The following BMP2K variants were observed in gnomAD, a reference collection of about 807,000 sequenced individuals.
BMP2K encodes the protein BMP2 inducible kinase.
A neutral mutation model predicts 116.0 loss-of-function variants in BMP2K; 74 were observed. The observed-to-expected ratio is 0.64, with a 90% CI of 0.53 to 0.77. The LOEUF (loss-of-function observed/expected upper bound fraction) is 0.77. BMP2K is among the 30% of genes least tolerant of loss of function. The pLI is 0.00. For missense variants in BMP2K, 1,365 were observed against 1,403.6 expected (o/e 0.97, Z 0.44); for synonymous variants, 486 against 502.5 (o/e 0.97, Z 0.44).
chr4:78,787,870 T>C (rs1314185633), intron 1 of BMP2K, among the ~76,000 whole-genome samples: 1 of 152,216 alleles, frequency 6.6e-6, no homozygotes, highest in East Asian at 1.9e-4. Flanking sequence ...AGGGTTCCAG[T>C]ACACTATTTC....
At position 78,865,550 on chromosome 4, in the gene BMP2K, G is replaced by A. The variant is rs1732003470; in HGVS notation, c.1068-7G>A. 1.2e-6 allele frequency: 2 copies of A among 1,612,522 alleles called. No individual in the cohort carries two copies. The highest frequency in any genetic ancestry group is 1.7e-6 in the Non-Finnish European group (2 of 1,178,796). ...TATTTAGAATGAAATATATTCTTCTGTTGTAGAATAACAGATACCATTGGA... is the reference window on the plus strand; with the variant it reads ...TATTTAGAATGAAATATATTCTTCTATTGTAGAATAACAGATACCATTGGA... On this transcript the variant is annotated splice_polypyrimidine_tract_variant and splice_region_variant and intron_variant, in intron 9 of 15. Coordinates refer to ENST00000502613, the MANE Select transcript of BMP2K (RefSeq NM_198892.2).
intron 1 of BMP2K, among the ~76,000 whole-genome samples, chr4:78,806,768 T>C (rs768903786): frequency 6.6e-6 from 1 of 152,158 alleles, no homozygotes; most frequent in Non-Finnish European, 1.5e-5. Flanking sequence ...CTTTATCATA[T>C]TGAGAAGGTT....
intron 7 of BMP2K, among the ~76,000 whole-genome samples, chr4:78,857,026 C>T (rs932345321): frequency 6.6e-6 from 1 of 152,080 alleles, no homozygotes; most frequent in Admixed American, 6.6e-5. Context: ...TACACTAGCA[C>T]AGTGGCTTCA....
At chr4:78,899,511 A>C (rs1278730340) in intron 15 of BMP2K, among the ~76,000 whole-genome samples, 5 of 152,194 alleles carry the variant, frequency 3.3e-5, no homozygotes, top group Admixed American at 3.3e-4. Flanking sequence ...AGTTCATGCC[A>C]GTTAGAAGAG....
At chr4:78,822,657 A>G (rs1729678039) in intron 1 of BMP2K, among the ~76,000 whole-genome samples, 1 of 152,190 alleles carries the variant, frequency 6.6e-6, no homozygotes, top group Non-Finnish European at 1.5e-5. Context: ...AACATTTAGC[A>G]TTAATGTAAC....
rs1377964914 is a variant in BMP2K at position 78,776,711 on chromosome 4, G to C, written c.168G>C (p.Ser56=). 2.4e-6 allele frequency: 3 copies of C among 1,266,412 alleles called. No individual in the cohort carries two copies. The South Asian group carries it at 1.1e-4, about 48-fold the overall frequency. The allele number at this position is 1,266,412 out of a possible 1,614,324, so 78.4% of individuals were successfully genotyped here. Residue 56 remains serine, a synonymous_variant, in exon 1 of 16, where the codon TCG becomes TCC. Coordinates refer to ENST00000502613, the MANE Select transcript of BMP2K (RefSeq NM_198892.2). The stretch of plus-strand genomic sequence containing the variant: ...GCCACCAGGTCACCCTGGAAGAGTC[G>C]CTGGCCGAAGGTACGGGCGCCCGGG... The part of the protein sequence containing the change: ...VGRHQVTLEE[S]LAEGGFSTVF...
Position 78,911,125 on chromosome 4 carries a change from G to A in BMP2K, c.2578G>A (p.Ala860Thr), listed in dbSNP as rs143310663. ...TPKQEFDVFGAVPFFAVRAQQ... is the reference protein window; with the variant it reads ...TPKQEFDVFGTVPFFAVRAQQ... ...CAAACAGGAGTTTGATGTATTTGGCGCTGTCCCCTTCTTTGCAGTGCGTGC... is the reference window on the plus strand; with the variant it reads ...CAAACAGGAGTTTGATGTATTTGGCACTGTCCCCTTCTTTGCAGTGCGTGC... Residue 860 changes from alanine to threonine, a missense_variant, in exon 16 of 16, where the codon GCT becomes ACT. Transcript: ENST00000502613. 6.9e-3 allele frequency: 11,214 copies of A among 1,613,946 alleles called. 36 individuals carry two copies. Among genetic ancestry groups the A allele is most frequent in the Non-Finnish European group, 8.3e-3 (9,820 of 1,179,870 alleles).
At position 78,871,063 on chromosome 4, in the gene BMP2K, A is replaced by G. The variant is rs1313847957; in HGVS notation, c.1509+3A>G. 2 of 1,601,886 alleles carry G rather than the reference A, an allele frequency of 1.2e-6. No individual in the cohort carries two copies. Among genetic ancestry groups the G allele is most frequent in the Admixed American group, 3.3e-5 (2 of 59,982 alleles). ...TTCAAGATGCTTATATGCAGCAGGT[A>G]ATTTTTTTGTTTCTTTAGATATGGA... On this transcript the variant is annotated splice_donor_region_variant and intron_variant, in intron 11 of 15. Transcript: ENST00000502613.
Position 78,833,626 on chromosome 4 carries a change from T to C in BMP2K, c.342T>C (p.Cys114=). ...GHKNIVGYLD[C]AVNSISDNVW... ...AAAATATTGTGGGCTATTTGGACTG[T>C]GCTGTTAATTCAATTAGTGATAATG... The change falls in exon 3 of 16, where the codon TGT becomes TGC. Residue 114 remains cysteine (C), a synonymous_variant. Transcript: ENST00000502613. 1 of 1,606,922 alleles carries C rather than the reference T, an allele frequency of 6.2e-7. No individual in the cohort carries two copies. The highest frequency in any genetic ancestry group is 8.5e-7 in the Non-Finnish European group (1 of 1,178,158).
chr4:78,833,952 A>G (rs1315279360), intron 3 of BMP2K, among the ~76,000 whole-genome samples: 2 of 152,212 alleles, frequency 1.3e-5, no homozygotes, highest in East Asian at 1.9e-4. Flanking sequence ...ACAGAGTTAC[A>G]GTTCTTGCTC....
At chr4:78,843,884 A>G (rs1730875630) in intron 4 of BMP2K, among the ~76,000 whole-genome samples, 1 of 151,922 alleles carries the variant, frequency 6.6e-6, no homozygotes, top group Non-Finnish European at 1.5e-5. Flanking sequence ...TGTATTGTCC[A>G]TATTTTATAT....
intron 7 of BMP2K, among the ~76,000 whole-genome samples, chr4:78,855,441 G>A (rs1436759510): frequency 6.6e-6 from 1 of 152,070 alleles, no homozygotes; most frequent in African/African-American, 2.4e-5. Flanking sequence ...AATTTGTTGA[G>A]CTGTTAGATT....
chr4:78,812,491 A>G (rs1729139142), intron 1 of BMP2K, among the ~76,000 whole-genome samples: 1 of 152,162 alleles, frequency 6.6e-6, no homozygotes, highest in African/African-American at 2.4e-5. Flanking sequence ...GTATGTCCAA[A>G]ACTGTGCTGT....
chr4:78,902,766 C>T (rs1185056592), intron 15 of BMP2K, among the ~76,000 whole-genome samples: 2 of 151,996 alleles, frequency 1.3e-5, no homozygotes, highest in Admixed American at 1.3e-4. Flanking sequence ...AGAGGGAAAC[C>T]TGATTCTAGA....
At chr4:78,813,330 T>C (rs1729177512) in intron 1 of BMP2K, among the ~76,000 whole-genome samples, 2 of 152,228 alleles carry the variant, frequency 1.3e-5, no homozygotes, top group East Asian at 3.8e-4. Context: ...TCCCTGCTTC[T>C]GATCTTGTCT....
At chr4:78,837,567 A>G (rs183555230) in intron 3 of BMP2K, among the ~76,000 whole-genome samples, 2 of 152,306 alleles carry the variant, frequency 1.3e-5, no homozygotes, top group African/African-American at 4.8e-5. Context: ...CTGGGGGGAA[A>G]AATACACCTA....
At chr4:78,798,618 A>G (rs78538776) in intron 1 of BMP2K, among the ~76,000 whole-genome samples, 1 of 152,246 alleles carries the variant, frequency 6.6e-6, no homozygotes, top group Non-Finnish European at 1.5e-5. Flanking sequence ...ACTCCAACGG[A>G]TACTTGGAAT....
Position 78,913,401 on chromosome 4 carries a change from A to AT in BMP2K, c.*1370dup, listed in dbSNP as rs1278924777. 4 of 152,176 alleles carry AT rather than the reference A, an allele frequency of 2.6e-5. No homozygotes were observed. The highest frequency in any genetic ancestry group is 5.9e-5 in the Non-Finnish European group (4 of 68,004). 9.4% of individuals were successfully genotyped at this position (152,176 alleles called of 1,614,324 possible). ...TTATAGAAATCATTTAATGATAGAG[A>AT]TTACATATGTGAATTAATGTGAATA... On this transcript the variant is annotated 3_prime_UTR_variant, in exon 16 of 16. Coordinates refer to ENST00000502613, the MANE Select transcript of BMP2K (RefSeq NM_198892.2).
chr4:78,852,092 G>A (rs891687546), intron 7 of BMP2K, among the ~76,000 whole-genome samples: 1 of 152,054 alleles, frequency 6.6e-6, no homozygotes, highest in Non-Finnish European at 1.5e-5. Flanking sequence ...AGTCTGACTT[G>A]TGATTTAATT....
Sources: allele counts gnomAD v4.1 joint callset (sites outside exome capture counted in the v4.1 genomes callset), GRCh38; gene constraint gnomAD v4.1.1; transcripts MANE v1.5; gene names NCBI Gene and HGNC (gene_info 2026-07-23, HGNC 2026-07-21).